RAD51B: variants seen among roughly 807,000 people sequenced by gnomAD.
RAD51B encodes the protein RAD51 paralog B, also known as DNA repair protein RAD51 homolog 2.
RAD51B carries 38 observed loss-of-function variants against 42.2 expected under a neutral mutation model. The ratio of observed to expected loss-of-function variants is 0.90; its 90% CI spans 0.70 to 1.18. The LOEUF (loss-of-function observed/expected upper bound fraction) is 1.18, where lower values mean the gene tolerates loss of function less well. Among genes scored for constraint, RAD51B ranks in the 50% most tolerant of loss-of-function variants. The pLI is 0.00. For synonymous variants in RAD51B, 154 were observed against 145.2 expected (o/e 1.06, Z -0.43); for missense variants, 373 against 400.7 (o/e 0.93, Z 0.59).
At chr14:68,298,376 G>T (rs2081653961) in intron 8 of RAD51B, among the ~76,000 whole-genome samples, 1 of 152,178 alleles carries the variant, frequency 6.6e-6, no homozygotes, top group Non-Finnish European at 1.5e-5. Flanking sequence ...AGTGCTTCTT[G>T]GTCAGGAGCT....
chr14:68,247,961 C>T (rs1370279314), intron 7 of RAD51B, among the ~76,000 whole-genome samples: 1 of 152,174 alleles, frequency 6.6e-6, no homozygotes, highest in Non-Finnish European at 1.5e-5. Flanking sequence ...AATTGATCCT[C>T]AGGACAGTGT....
chr14:67,946,742 AAAAC>A (rs10684020), intron 7 of RAD51B, among the ~76,000 whole-genome samples: 3 of 152,144 alleles, frequency 2.0e-5, no homozygotes, highest in African/African-American at 7.3e-5. Flanking sequence ...GTGCTTTTTT[AAAAC>A]AAACAAAACA....
At chr14:68,135,301 T>G (rs762886627) in intron 7 of RAD51B, among the ~76,000 whole-genome samples, 39 of 152,214 alleles carry the variant, frequency 2.6e-4, no homozygotes, top group Non-Finnish European at 4.4e-5. Flanking sequence ...AATGGATTAT[T>G]GTAAATAAAC....
At chr14:68,620,308 G>A (rs966242986) in intron 10 of RAD51B, among the ~76,000 whole-genome samples, 1 of 152,176 alleles carries the variant, frequency 6.6e-6, no homozygotes, top group African/African-American at 2.4e-5. Context: ...TGAGATAGTA[G>A]GGGCCTAAGA....
At chr14:68,527,418 G>A (rs895913046) in intron 10 of RAD51B, among the ~76,000 whole-genome samples, 3 of 152,218 alleles carry the variant, frequency 2.0e-5, no homozygotes, top group Non-Finnish European at 4.4e-5. Context: ...CTGGCCATTT[G>A]AGGCCCATGA....
At chr14:68,574,392 C>A (rs1889867205) in intron 10 of RAD51B, among the ~76,000 whole-genome samples, 1 of 152,218 alleles carries the variant, frequency 6.6e-6, no homozygotes, top group South Asian at 2.1e-4. Context: ...CCGGCCACAG[C>A]TACTTCCTTC....
At chr14:68,628,787 C>A (rs4902620) in intron 10 of RAD51B, among the ~76,000 whole-genome samples, 20,344 of 152,008 alleles carry the variant, frequency 0.13, 1,511 homozygotes, top group East Asian at 0.19. Flanking sequence ...CAGTGTACAG[C>A]CCGTTTCCAA....
At chr14:67,835,785 G>A in intron 4 of RAD51B, among the ~76,000 whole-genome samples, 1 of 151,974 alleles carries the variant, frequency 6.6e-6, no homozygotes, top group East Asian at 1.9e-4. Flanking sequence ...GAGCCAGGGA[G>A]GTCAAGGCTA....
chr14:68,526,358 G>A (rs1239136670), intron 10 of RAD51B, among the ~76,000 whole-genome samples: 3 of 152,206 alleles, frequency 2.0e-5, no homozygotes, highest in Non-Finnish European at 2.9e-5. Context: ...CATCTAGGTT[G>A]TGTAAGTATA....
intron 3 of RAD51B, among the ~76,000 whole-genome samples, chr14:67,833,251 C>T (rs999216987): frequency 1.3e-5 from 2 of 152,148 alleles, no homozygotes; most frequent in African/African-American, 2.4e-5. Context: ...TGGCAGGCAC[C>T]TGTAATCCCA....
At chr14:67,877,997 G>A (rs1220754125) in intron 5 of RAD51B, among the ~76,000 whole-genome samples, 1 of 152,042 alleles carries the variant, frequency 6.6e-6, no homozygotes, top group African/African-American at 2.4e-5. Flanking sequence ...GTTGCCTAAT[G>A]GTATTGGTTT....
chr14:67,948,029 A>G (rs778755441), intron 7 of RAD51B, among the ~76,000 whole-genome samples: 1 of 152,176 alleles, frequency 6.6e-6, no homozygotes, highest in Non-Finnish European at 1.5e-5. Flanking sequence ...TACTGTGGCA[A>G]AATTAGGTAA....
chr14:68,158,778 T>C (rs1190191264), intron 7 of RAD51B, among the ~76,000 whole-genome samples: 1 of 152,204 alleles, frequency 6.6e-6, no homozygotes, highest in Non-Finnish European at 1.5e-5. Flanking sequence ...GCCTGAATAA[T>C]TTCCTTTTCC....
At chr14:68,066,147 T>C (rs546250257) in intron 7 of RAD51B, among the ~76,000 whole-genome samples, 1 of 152,220 alleles carries the variant, frequency 6.6e-6, no homozygotes, top group South Asian at 2.1e-4. Flanking sequence ...TCTTATGAAG[T>C]CATTAAATTA....
At chr14:68,041,564 T>TC (rs1484768786) in intron 7 of RAD51B, among the ~76,000 whole-genome samples, 4 of 143,810 alleles carry the variant, frequency 2.8e-5, no homozygotes, top group East Asian at 4.0e-4. Flanking sequence ...TTATACTCTC[T>TC]TTTTTTTTTT....
intron 5 of RAD51B, 51 bp from the exon 6 acceptor site, chr14:67,885,818 G>T: frequency 1.9e-6 from 3 of 1,545,614 alleles, no homozygotes; most frequent in Non-Finnish European, 2.6e-6. Context: ...CAGCAATGTG[G>T]CTTTAAGTAG....
At chr14:68,184,636 A>AAAG (rs1555370061) in intron 7 of RAD51B, among the ~76,000 whole-genome samples, 1 of 151,262 alleles carries the variant, frequency 6.6e-6, no homozygotes, top group African/African-American at 2.4e-5. Context: ...AAAAAAAAAA[A>AAAG]CAGGAAGAAG....
At chr14:67,964,467 G>A (rs187068268) in intron 7 of RAD51B, among the ~76,000 whole-genome samples, 6 of 152,302 alleles carry the variant, frequency 3.9e-5, no homozygotes, top group Admixed American at 2.0e-4. Context: ...GTTTCTTTGC[G>A]TTGCTGGAGC....
At chr14:68,669,022 A>G (rs1198564234) in intron 11 of RAD51B, among the ~76,000 whole-genome samples, 1 of 152,242 alleles carries the variant, frequency 6.6e-6, no homozygotes, top group Non-Finnish European at 1.5e-5. Flanking sequence ...TGAAAAGACG[A>G]TATCTTTGCT....
Sources: gnomAD v4.1 joint callset for allele counts (sites outside exome capture counted in the v4.1 genomes callset) on GRCh38, gnomAD v4.1.1 for gene constraint, MANE v1.5 for transcripts, NCBI Gene and HGNC (gene_info 2026-07-23, HGNC 2026-07-21) for gene names.